Variants in NUP37 observed in about 807,000 individuals in gnomAD.
The protein encoded by NUP37 is nucleoporin 37.
NUP37 carries 33 observed loss-of-function variants against 45.4 expected under a neutral mutation model. The observed-to-expected ratio is 0.73, with a 90% confidence interval of 0.55 to 0.97. The LOEUF (loss-of-function observed/expected upper bound fraction) is 0.97. Among genes scored for constraint, NUP37 ranks in the 50% least tolerant of loss-of-function variants. NUP37 has a pLI of 0.00. For synonymous variants in NUP37, 127 were observed against 130.7 expected (o/e 0.97, Z 0.19); for missense variants, 365 against 389.7 (o/e 0.94, Z 0.53).
At chr12:102,104,618 C>A (rs1014533014) in intron 3 of NUP37, among the ~76,000 whole-genome samples, 1 of 152,056 alleles carries the variant, frequency 6.6e-6, no homozygotes, top group African/African-American at 2.4e-5. Flanking sequence ...ATGTTTAGGT[C>A]CCATTTTGAG....
At position 102,074,339 on chromosome 12, in the gene NUP37, G is replaced by A; in HGVS notation, c.*15C>T. 6.8e-7 allele frequency: 1 copy of A among 1,473,196 alleles called. No individual in the cohort carries two copies. Among genetic ancestry groups the A allele is most frequent in the South Asian group, 1.2e-5 (1 of 84,116 alleles). 91.3% of individuals were successfully genotyped at this position (1,473,196 alleles called of 1,614,324 possible). ...AAAAATACAAAGTTTGTGAATCTAAGGTACAGAAAACACTTTATACTTCAG... is the reference window on the plus strand; with the variant it reads ...AAAAATACAAAGTTTGTGAATCTAAAGTACAGAAAACACTTTATACTTCAG... On this transcript the variant is annotated 3_prime_UTR_variant, in exon 10 of 10. Coordinates refer to ENST00000552283, the MANE Select transcript of NUP37 (RefSeq NM_024057.4).
At chr12:102,105,480 A>G (rs1440499399) in intron 3 of NUP37, among the ~76,000 whole-genome samples, 1 of 152,090 alleles carries the variant, frequency 6.6e-6, no homozygotes, top group Non-Finnish European at 1.5e-5. Context: ...TAGTGAGCTG[A>G]TATCATGCCA....
chr12:102,098,522 C>G (rs775673146), intron 5 of NUP37, among the ~76,000 whole-genome samples: 1 of 151,816 alleles, frequency 6.6e-6, no homozygotes, highest in Non-Finnish European at 1.5e-5. Flanking sequence ...AGAATTTGAT[C>G]CAATATGTTT....
intron 2 of NUP37, among the ~76,000 whole-genome samples, chr12:102,115,571 A>C (rs1245197084): frequency 1.3e-5 from 2 of 152,060 alleles, no homozygotes; most frequent in Non-Finnish European, 2.9e-5. Context: ...TGCTTTTTTC[A>C]TGTCTTGGCA....
At chr12:102,081,264 C>G (rs934158253) in intron 6 of NUP37, among the ~76,000 whole-genome samples, 2 of 152,138 alleles carry the variant, frequency 1.3e-5, no homozygotes, top group African/African-American at 2.4e-5. Flanking sequence ...TCAGTTCTAA[C>G]AAAAGATTTT....
rs145777915 is a variant in NUP37 at position 102,079,331 on chromosome 12, T to C, written c.541-1828A>G. 5.5e-5 allele frequency: 24 copies of C among 433,022 alleles called. No homozygotes were observed. The East Asian group carries it at 1.3e-3, about 24-fold the overall frequency. The allele number at this position is 433,022 out of a possible 1,614,324, so 26.8% of individuals were successfully genotyped here. Reference sequence around the variant, plus strand: ...CCTAAACACATAAAACATCATTTATTCTATTATTCATCTAACAGGCTTTTA... The same window carrying C: ...CCTAAACACATAAAACATCATTTATCCTATTATTCATCTAACAGGCTTTTA... On this transcript the variant is annotated intron_variant, in intron 6 of 9. Transcript: ENST00000552283.
At chr12:102,086,706 CTGGCACAGAGTA>C (rs1395723585) in intron 5 of NUP37, among the ~76,000 whole-genome samples, 18 of 152,320 alleles carry the variant, frequency 1.2e-4, no homozygotes, top group African/African-American at 4.3e-4. Context: ...TTACATTGCA[CTGGCACAGAGTA>C]TGGCACAGAG....
intron 2 of NUP37, chr12:102,115,892 C>T: frequency 1.7e-6 from 1 of 580,508 alleles, no homozygotes; most frequent in South Asian, 7.7e-5. Context: ...TAATGTTTAA[C>T]AGTGTTTAGC....
intron 9 of NUP37, 110 bp downstream of exon 9, chr12:102,074,891 G>C (rs1422998319): frequency 1.8e-6 from 1 of 557,156 alleles, no homozygotes; most frequent in African/African-American, 1.9e-5. Flanking sequence ...GATAACAAAC[G>C]TAAATGTCTT....
intron 5 of NUP37, among the ~76,000 whole-genome samples, chr12:102,097,523 G>T (rs143248256): frequency 3.3e-3 from 497 of 152,122 alleles, no homozygotes; most frequent in African/African-American, 0.01. Flanking sequence ...AATTTTTAGA[G>T]AATTTTGCTA....
chr12:102,118,322 A>C, intron 2 of NUP37, 41 bp downstream of exon 2: 1 of 1,563,930 alleles, frequency 6.4e-7, no homozygotes, highest in South Asian at 1.2e-5. Flanking sequence ...CTTAGTAGTG[A>C]AATATGTTCA....
chr12:102,105,618 C>T (rs1880121488), intron 3 of NUP37, among the ~76,000 whole-genome samples: 1 of 152,032 alleles, frequency 6.6e-6, no homozygotes, highest in Non-Finnish European at 1.5e-5. Context: ...AATCCTAGCA[C>T]TTCCGGTGGC....
At chr12:102,102,115 A>T (rs573249865) in intron 3 of NUP37, among the ~76,000 whole-genome samples, 3 of 152,208 alleles carry the variant, frequency 2.0e-5, no homozygotes, top group Non-Finnish European at 4.4e-5. Context: ...AATTTAAATT[A>T]TATTTATATA....
chr12:102,077,621 A>G, intron 6 of NUP37, 118 bp from the exon 7 acceptor site: 2 of 993,750 alleles, frequency 2.0e-6, no homozygotes, highest in Non-Finnish European at 2.9e-6. Context: ...ATACAGGTTC[A>G]GCATTCCTCA....
intron 3 of NUP37, among the ~76,000 whole-genome samples, chr12:102,104,927 T>C (rs1413676418): frequency 6.6e-6 from 1 of 152,222 alleles, no homozygotes; most frequent in East Asian, 1.9e-4. Context: ...TTTGGGGTCC[T>C]TTGAGGTTCC....
At chr12:102,107,741 C>T (rs1481717421) in intron 3 of NUP37, among the ~76,000 whole-genome samples, 2 of 151,648 alleles carry the variant, frequency 1.3e-5, no homozygotes, top group African/African-American at 4.9e-5. Context: ...GTGAACAAAG[C>T]AGGACAAAAA....
At chr12:102,091,368 A>G (rs1409839873) in intron 5 of NUP37, among the ~76,000 whole-genome samples, 2 of 137,210 alleles carry the variant, frequency 1.5e-5, no homozygotes, top group South Asian at 2.6e-4. Context: ...ACTGTACTCC[A>G]GCCCGGGAAA....
intron 5 of NUP37, among the ~76,000 whole-genome samples, chr12:102,097,575 C>A (rs1378928379): frequency 6.8e-6 from 1 of 147,664 alleles, no homozygotes; most frequent in Non-Finnish European, 1.5e-5. Flanking sequence ...AACAAACAAA[C>A]AAAAACATAG....
At chr12:102,082,362 C>G (rs1879352434) in intron 6 of NUP37, among the ~76,000 whole-genome samples, 1 of 151,846 alleles carries the variant, frequency 6.6e-6, no homozygotes. Flanking sequence ...AAGAGGCTAA[C>G]AATTCTGGGC....
Sources: gnomAD v4.1 joint callset for allele counts (sites outside exome capture counted in the v4.1 genomes callset) on GRCh38, gnomAD v4.1.1 for gene constraint, MANE v1.5 for transcripts, NCBI Gene and HGNC (gene_info 2026-07-23, HGNC 2026-07-21) for gene names.